Variants in TFAP2D observed in about 807,000 individuals in gnomAD.
The protein encoded by TFAP2D is transcription factor AP-2-delta.
A neutral mutation model predicts 43.6 loss-of-function variants in TFAP2D; 9 were observed. The ratio of observed to expected loss-of-function variants is 0.21; its 90% CI spans 0.12 to 0.36. The LOEUF (loss-of-function observed/expected upper bound fraction) is 0.36, where lower values mean the gene tolerates loss of function less well. Ranked by LOEUF, TFAP2D falls within the 10% of genes least tolerant of loss-of-function variation. The probability of loss-of-function intolerance (pLI) is 1.00; values close to 1 mark genes in which losing one functional copy is unlikely to be tolerated. For missense variants in TFAP2D, 513 were observed against 561.4 expected (o/e 0.91, Z 0.87); for synonymous variants, 256 against 224.9 (o/e 1.14, Z -1.24).
chr6:50,761,228 CA>C (rs35485585), intron 7 of TFAP2D, among the ~76,000 whole-genome samples: 157 of 142,706 alleles, frequency 1.1e-3, no homozygotes, highest in Admixed American at 9.2e-4. Context: ...TCACACACAC[CA>C]AAAAAAAAAA....
At position 50,715,625 on chromosome 6, in the gene TFAP2D, T is replaced by C. The variant is rs753859174; in HGVS notation, c.537+12T>C. ...CAGACGACTTGCAGGTAAATAAGCA[T>C]GCAGCGAATTTGTCTGCTCCCTCCC... is the stretch of plus-strand genomic sequence containing the variant. On this transcript the variant is annotated intron_variant, in intron 2 of 7. Coordinates refer to ENST00000008391, the MANE Select transcript of TFAP2D (RefSeq NM_172238.4). 2.3e-5 allele frequency: 37 copies of C among 1,581,224 alleles called. 1 individual carries two copies. The East Asian group carries it at 8.3e-4, about 36-fold the overall frequency.
At chr6:50,758,482 G>A (rs1346296797) in intron 7 of TFAP2D, among the ~76,000 whole-genome samples, 2 of 151,840 alleles carry the variant, frequency 1.3e-5, no homozygotes, top group African/African-American at 2.4e-5. Context: ...TCTAAAGGCA[G>A]TTCTCATGTC....
At chr6:50,740,631 G>A (rs1042678083) in intron 5 of TFAP2D, among the ~76,000 whole-genome samples, 1 of 151,990 alleles carries the variant, frequency 6.6e-6, no homozygotes, top group Non-Finnish European at 1.5e-5. Context: ...TAGAGATGGG[G>A]TTTCACCATC....
chr6:50,768,972 GC>G (rs1359045408), intron 7 of TFAP2D, among the ~76,000 whole-genome samples: 2 of 137,162 alleles, frequency 1.5e-5, no homozygotes, highest in Non-Finnish European at 3.1e-5. Flanking sequence ...GCACGATCTT[GC>G]CTCTGCCTCC....
At chr6:50,728,186 T>C (rs1768835675) in intron 3 of TFAP2D, among the ~76,000 whole-genome samples, 1 of 152,218 alleles carries the variant, frequency 6.6e-6, no homozygotes, top group South Asian at 2.1e-4. Context: ...AACAATATTA[T>C]TGTCAGCTAA....
In TFAP2D at chr6:50,766,765, T is replaced by C. The variant is rs1368338540; in HGVS notation, c.1140-5880T>C. Among the ~76,000 whole-genome samples the C allele has an allele frequency of 1.1e-4, 15 of 141,350 alleles. No individual in the cohort carries two copies. The Admixed American group carries it at 1.1e-3, about 10-fold the overall frequency. The allele number at this position is 141,350 out of a possible 152,430, so 92.7% of individuals were successfully genotyped here. On this transcript the variant is annotated intron_variant, in intron 7 of 7. Coordinates refer to ENST00000008391, the MANE Select transcript of TFAP2D (RefSeq NM_172238.4). ...CTCACTGCAAGCTCCGCTTCCCGGG[T>C]TCACGCCATTCTCCTGCCTCAGCCT...
At position 50,715,745 on chromosome 6, in the gene TFAP2D, TCTCTCACACACACA is replaced by T. The variant is rs1768615140; in HGVS notation, c.537+134_537+147del. On this transcript the variant is annotated intron_variant, in intron 2 of 7. Coordinates refer to ENST00000008391, the MANE Select transcript of TFAP2D (RefSeq NM_172238.4). ...TCCTCTCTCTCTCTCTCTCTCTCTC[TCTCTCACACACACA>T]CACACACACACACACACACACCACT... 3 of 598,954 alleles carry T rather than the reference TCTCTCACACACACA, an allele frequency of 5.0e-6. No individual in the cohort carries two copies. In the South Asian group the frequency reaches 6.5e-5, roughly 13 times the overall value. The allele number at this position is 598,954 out of a possible 1,614,324, so 37.1% of individuals were successfully genotyped here.
In TFAP2D at chr6:50,751,342, G is replaced by T; in HGVS notation, c.1139+18G>T. On this transcript the variant is annotated intron_variant, in intron 7 of 7. Coordinates refer to ENST00000008391, the MANE Select transcript of TFAP2D (RefSeq NM_172238.4). ...CATTTCAGGTAAGACTGGTTTTCCA[G>T]TTTGCTCAAATTCTTTACTAACCCA... 2.6e-6 allele frequency: 4 copies of T among 1,567,234 alleles called. No homozygotes were observed. Among genetic ancestry groups the T allele is most frequent in the Non-Finnish European group, 3.5e-6 (4 of 1,138,732 alleles).
chr6:50,716,577 T>TAAGAAA (rs1768631532), intron 2 of TFAP2D, among the ~76,000 whole-genome samples: 1 of 152,204 alleles, frequency 6.6e-6, no homozygotes, highest in South Asian at 2.1e-4. Flanking sequence ...TAACACGTGT[T>TAAGAAA]TGCACATTCT....
intron 5 of TFAP2D, among the ~76,000 whole-genome samples, chr6:50,742,697 T>C (rs1769068179): frequency 6.6e-6 from 1 of 152,082 alleles, no homozygotes; most frequent in Non-Finnish European, 1.5e-5. Context: ...AATAACAATG[T>C]GCAGCTATAT....
intron 7 of TFAP2D, among the ~76,000 whole-genome samples, chr6:50,762,056 A>G (rs190328379): frequency 6.6e-6 from 1 of 152,132 alleles, no homozygotes; most frequent in Admixed American, 6.5e-5. Flanking sequence ...TTAAAAATGG[A>G]TTGTTGCTAC....
At chr6:50,722,975 A>G (rs115979458) in intron 3 of TFAP2D, among the ~76,000 whole-genome samples, 1 of 152,236 alleles carries the variant, frequency 6.6e-6, no homozygotes, top group African/African-American at 2.4e-5. Context: ...GGACCCGGCC[A>G]TGGGCAGGCA....
At chr6:50,727,408 C>T (rs1048324690) in intron 3 of TFAP2D, among the ~76,000 whole-genome samples, 3 of 152,154 alleles carry the variant, frequency 2.0e-5, no homozygotes, top group Admixed American at 1.3e-4. Flanking sequence ...TTTCTACCAC[C>T]GGTATAATAT....
intron 7 of TFAP2D, among the ~76,000 whole-genome samples, chr6:50,762,968 T>G (rs1769383721): frequency 6.6e-6 from 1 of 152,130 alleles, no homozygotes; most frequent in African/African-American, 2.4e-5. Context: ...GACCTTTGCC[T>G]TTTTAGTTTA....
intron 3 of TFAP2D, among the ~76,000 whole-genome samples, chr6:50,722,547 T>C (rs933683353): frequency 8.5e-5 from 13 of 152,114 alleles, no homozygotes; most frequent in African/African-American, 2.9e-4. Flanking sequence ...GGCTCCCTTA[T>C]GGCCGCCTCC....
At chr6:50,730,153 T>C (rs774102203) in intron 5 of TFAP2D, among the ~76,000 whole-genome samples, 1 of 152,178 alleles carries the variant, frequency 6.6e-6, no homozygotes, top group Non-Finnish European at 1.5e-5. Context: ...CCATTATTTG[T>C]CTATATGGCA....
rs1768886927 is a variant in TFAP2D at position 50,731,151 on chromosome 6, C to T, written c.883+1839C>T. On this transcript the variant is annotated intron_variant, in intron 5 of 7. Coordinates refer to ENST00000008391, the MANE Select transcript of TFAP2D (RefSeq NM_172238.4). ...TGATCTCTGGAGTCTTGCCATCCTA[C>T]TCTTTCTGCATACCTCTCCTATCCC... Among the ~76,000 whole-genome samples the T allele has an allele frequency of 2.6e-5, 4 of 152,156 alleles. No individual in the cohort carries two copies. The South Asian group carries it at 8.3e-4, about 32-fold the overall frequency.
At chr6:50,720,848 C>T (rs372322607) in intron 3 of TFAP2D, among the ~76,000 whole-genome samples, 1 of 152,148 alleles carries the variant, frequency 6.6e-6, no homozygotes, top group South Asian at 2.1e-4. Flanking sequence ...CTCCCACAGC[C>T]GGCCTCTTGC....
intron 3 of TFAP2D, among the ~76,000 whole-genome samples, chr6:50,722,363 T>C (rs1002504726): frequency 6.6e-6 from 1 of 152,228 alleles, no homozygotes; most frequent in Non-Finnish European, 1.5e-5. Flanking sequence ...GCAGAGATCA[T>C]ATTAATGTTG....
Sources: allele counts gnomAD v4.1 joint callset (sites outside exome capture counted in the v4.1 genomes callset), GRCh38; gene constraint gnomAD v4.1.1; transcripts MANE v1.5; gene names NCBI Gene and HGNC (gene_info 2026-07-23, HGNC 2026-07-21).